The following PFKFB3 variants were observed in gnomAD, a reference collection of about 807,000 sequenced individuals.
PFKFB3 encodes 6-phosphofructo-2-kinase/fructose-2,6-bisphosphatase 3.
Under a neutral mutation model 68.0 loss-of-function variants are expected in PFKFB3, and 33 were observed. That is an observed-to-expected ratio of 0.49 (90% confidence interval 0.37 to 0.65). The LOEUF (loss-of-function observed/expected upper bound fraction) is 0.65, where lower values mean the gene tolerates loss of function less well. Among genes scored for constraint, PFKFB3 ranks in the 30% least tolerant of loss-of-function variants. PFKFB3 has a pLI of 0.00. For synonymous variants in PFKFB3, 315 were observed against 288.2 expected (o/e 1.09, Z -0.94); for missense variants, 586 against 712.2 (o/e 0.82, Z 2.02).
chr10:6,248,628 CAAAAAAAA>C (rs1215741346), intron 14 of PFKFB3, among the ~76,000 whole-genome samples: 2 of 71,874 alleles, frequency 2.8e-5, no homozygotes, highest in Admixed American at 1.7e-4. Flanking sequence ...GACTCCATCT[CAAAAAAAA>C]AAAAAAAAAA....
At chr10:6,221,165 A>G (rs1844931395) in intron 8 of PFKFB3, among the ~76,000 whole-genome samples, 1 of 151,656 alleles carries the variant, frequency 6.6e-6, no homozygotes, top group Non-Finnish European at 1.5e-5. Flanking sequence ...CATGTGTGTG[A>G]TGTGTGCGCG....
At chr10:6,285,270 G>A in the PFKFB3 span, among the ~76,000 whole-genome samples, 1 of 138,936 alleles carries the variant, frequency 7.2e-6, no homozygotes, top group Non-Finnish European at 1.5e-5. Flanking sequence ...TTTCACTCTT[G>A]TTGCCCAGGC....
At chr10:6,306,009 G>T in the PFKFB3 span, among the ~76,000 whole-genome samples, 1 of 152,004 alleles carries the variant, frequency 6.6e-6, no homozygotes, top group Non-Finnish European at 1.5e-5. Flanking sequence ...ATTTACATTG[G>T]GTTAATTTCT....
At chr10:6,247,913 A>G (rs1385150103) in intron 14 of PFKFB3, among the ~76,000 whole-genome samples, 1 of 152,208 alleles carries the variant, frequency 6.6e-6, no homozygotes, top group Non-Finnish European at 1.5e-5. Flanking sequence ...CCTATTTAAT[A>G]TATGAAAAAA....
intron 1 of PFKFB3, among the ~76,000 whole-genome samples, chr10:6,149,182 C>T (rs867221457): frequency 2.0e-4 from 31 of 152,266 alleles, no homozygotes; most frequent in Admixed American, 1.0e-3. Flanking sequence ...CGTTGAGGTC[C>T]TTTTCAAGTC....
Position 6,203,209 on chromosome 10 carries a change from C to T in PFKFB3, c.-52C>T, listed in dbSNP as rs1034858215. 4.3e-4 allele frequency: 682 copies of T among 1,591,288 alleles called. 1 individual carries two copies. The highest frequency in any genetic ancestry group is 5.7e-4 in the Non-Finnish European group (666 of 1,170,190). ...CGGGGGTCGGCGGCCGCTCTCCTGC[C>T]AGCGTCGGGATCTCGGCCCCGGGAG... On this transcript the variant is annotated 5_prime_UTR_variant, in exon 1 of 15. Transcript: ENST00000379775.
At chr10:6,172,024 A>G (rs914621704) in intron 1 of PFKFB3, among the ~76,000 whole-genome samples, 1 of 152,206 alleles carries the variant, frequency 6.6e-6, no homozygotes, top group Non-Finnish European at 1.5e-5. Flanking sequence ...GCCGTACTCC[A>G]TTGAGAGTCT....
In PFKFB3 at chr10:6,206,807, G is replaced by A. The variant is rs1214233145; in HGVS notation, c.76+3471G>A. Among the ~76,000 whole-genome samples, 54 of 36,676 alleles carry A rather than the reference G, an allele frequency of 1.5e-3. 1 individual carries two copies. Among genetic ancestry groups the A allele is most frequent in the African/African-American group, 5.0e-3 (52 of 10,326 alleles). 24.1% of individuals were successfully genotyped at this position (36,676 alleles called of 152,430 possible). A position where few individuals can be genotyped will look rare whatever the true frequency, so the allele number is the denominator to read the frequency against. ...GGTCCTCACATCCCAGACGATGGGC[G>A]GCCGGGCAGAGACGCTCCTCACTTC... is the stretch of plus-strand genomic sequence containing the variant. On this transcript the variant is annotated intron_variant, in intron 1 of 14. Coordinates refer to ENST00000379775, the MANE Select transcript of PFKFB3 (RefSeq NM_004566.4).
chr10:6,271,871 A>G, the PFKFB3 span, among the ~76,000 whole-genome samples: 3 of 152,224 alleles, frequency 2.0e-5, no homozygotes, highest in East Asian at 3.9e-4. Flanking sequence ...TCCTAGTTCA[A>G]CCTTGAATGG....
At chr10:6,164,975 G>C (rs143573734) in intron 1 of PFKFB3, among the ~76,000 whole-genome samples, 1,639 of 151,484 alleles carry the variant, frequency 0.011, 70 homozygotes, top group East Asian at 0.099. Flanking sequence ...GAGACAGAAG[G>C]CTTCCTCTTA....
chr10:6,269,144 T>C, the PFKFB3 span, among the ~76,000 whole-genome samples: 1 of 152,068 alleles, frequency 6.6e-6, no homozygotes, highest in Admixed American at 6.5e-5. Context: ...TGGGCTCCCC[T>C]CCCTGGGTCT....
At chr10:6,176,555 C>T (rs550685508) in intron 1 of PFKFB3, among the ~76,000 whole-genome samples, 12 of 152,208 alleles carry the variant, frequency 7.9e-5, no homozygotes, top group Non-Finnish European at 1.2e-4. Context: ...CATAGGTGTG[C>T]GCCATCATGC....
At chr10:6,311,499 A>C in the PFKFB3 span, among the ~76,000 whole-genome samples, 9 of 141,872 alleles carry the variant, frequency 6.3e-5, no homozygotes, top group Non-Finnish European at 1.1e-4. Context: ...CTCTGGGCCC[A>C]GCACTCTGGG....
chr10:6,223,819 G>C lies in PFKFB3; in HGVS notation c.1214-139G>C, dbSNP rs577708587. Reference sequence around the variant, plus strand: ...TTTAGTAGAGATGGGGTTTTGCCATGTTGGTCAGGCTGGTCTTGAACTCCT... The same window carrying C: ...TTTAGTAGAGATGGGGTTTTGCCATCTTGGTCAGGCTGGTCTTGAACTCCT... On this transcript the variant is annotated intron_variant, in intron 11 of 14. Transcript: ENST00000379775. The C allele has an allele frequency of 4.1e-6, 3 of 732,440 alleles. No homozygotes were observed. In the Admixed American group the frequency reaches 5.8e-5, roughly 14 times the overall value. 45.4% of individuals were successfully genotyped at this position (732,440 alleles called of 1,614,324 possible). A position where few individuals can be genotyped will look rare whatever the true frequency, so the allele number is the denominator to read the frequency against.
In PFKFB3 at chr10:6,248,487, G is replaced by C. The variant is rs150885517; in HGVS notation, c.1516-5691G>C. Among the ~76,000 whole-genome samples the C allele has an allele frequency of 3.9e-3, 588 of 152,034 alleles. 4 individuals carry two copies. Among genetic ancestry groups the C allele is most frequent in the African/African-American group, 0.014 (563 of 41,452 alleles). On this transcript the variant is annotated intron_variant, in intron 14 of 14. Transcript: ENST00000640683. ...CTACTAAAAATACAAAAATTAGCTG[G>C]GTGTGGTGGCACGTGTCTATAATCC...
At chr10:6,310,934 A>C in the PFKFB3 span, among the ~76,000 whole-genome samples, 1 of 152,252 alleles carries the variant, frequency 6.6e-6, no homozygotes, top group Non-Finnish European at 1.5e-5. Flanking sequence ...GCTGTTTCTT[A>C]TCATATGTGA....
chr10:6,213,850 C>A, intron 2 of PFKFB3, 102 bp downstream of exon 2: 1 of 1,317,208 alleles, frequency 7.6e-7, no homozygotes, highest in South Asian at 1.4e-5. Flanking sequence ...GCGCCTCTGT[C>A]CCCTGGTCGG....
Position 6,203,079 on chromosome 10 carries a change from C to T in PFKFB3, c.-182C>T, listed in dbSNP as rs760720377. 2.4e-4 allele frequency: 343 copies of T among 1,420,288 alleles called. No individual in the cohort carries two copies. The highest frequency in any genetic ancestry group is 3.0e-4 in the Non-Finnish European group (329 of 1,092,788). The allele number at this position is 1,420,288 out of a possible 1,614,324, so 88.0% of individuals were successfully genotyped here. On this transcript the variant is annotated 5_prime_UTR_variant, in exon 1 of 15. Coordinates refer to ENST00000379775, the MANE Select transcript of PFKFB3 (RefSeq NM_004566.4). ...CTACCCTCGCAGCACACGTCGAGCC[C>T]CGCACAGGCGAGGGTCCGGAACTTA...
At position 6,154,501 on chromosome 10, in the gene PFKFB3, G is replaced by A. The variant is rs375667750; in HGVS notation, c.16+9488G>A. ...GAGTTCAAGTGATTTGCCCGCCTCGGCCTTCCAAAGTGCTGGGATCATAGG... is the reference window on the plus strand; with the variant it reads ...GAGTTCAAGTGATTTGCCCGCCTCGACCTTCCAAAGTGCTGGGATCATAGG... On this transcript the variant is annotated intron_variant, in intron 1 of 14. Coordinates refer to the PFKFB3 transcript ENST00000379789. The surrounding 1 kb of genome is among the most constrained non-coding windows in gnomAD (Gnocchi z 4.6). Among the ~76,000 whole-genome samples the A allele has an allele frequency of 1.4e-4, 21 of 152,300 alleles. No individual in the cohort carries two copies. Among genetic ancestry groups the A allele is most frequent in the African/African-American group, 5.1e-4 (21 of 41,550 alleles).
Sources: gnomAD v4.1 joint callset for allele counts (sites outside exome capture counted in the v4.1 genomes callset) on GRCh38, gnomAD v4.1.1 for gene constraint, Gnocchi (gnomAD v3.1) non-coding constraint, MANE v1.5 for transcripts, NCBI Gene and HGNC (gene_info 2026-07-23, HGNC 2026-07-21) for gene names.